PLEKHG5: variants seen among roughly 807,000 people sequenced by gnomAD.
The protein encoded by PLEKHG5 is pleckstrin homology domain-containing family G member 5.
PLEKHG5 carries 52 observed loss-of-function variants against 103.8 expected under a neutral mutation model. The ratio of observed to expected loss-of-function variants is 0.50; its 90% confidence interval spans 0.40 to 0.63. The LOEUF (loss-of-function observed/expected upper bound fraction) is 0.63. Ranked by LOEUF, PLEKHG5 falls within the 30% of genes least tolerant of loss-of-function variation. The probability of loss-of-function intolerance (pLI) is 0.00; values close to 1 mark genes in which losing one functional copy is unlikely to be tolerated. For synonymous variants in PLEKHG5, 592 were observed against 575.5 expected, an observed-to-expected ratio of 1.03 and a Z score of -0.41; for missense variants, 1,205 against 1,347.6, an observed-to-expected ratio of 0.89 and a Z score of 1.66.
In PLEKHG5 at chr1:6,471,815, G is replaced by T; in HGVS notation, c.1081-7C>A. 6.2e-7 allele frequency: 1 copy of T among 1,604,942 alleles called. No individual in the cohort carries two copies. The highest frequency in any genetic ancestry group is 1.7e-5 in the Admixed American group (1 of 59,108). On this transcript the variant is annotated splice_polypyrimidine_tract_variant and splice_region_variant and intron_variant, in intron 10 of 20. Transcript: ENST00000377728. ...GGAGGCAGCACAGGAACAGCTGTGG[G>T]ATCAGGGGATGGTGTGACTGGGGTC...
intron 1 of PLEKHG5, among the ~76,000 whole-genome samples, chr1:6,509,217 C>T (rs897552990): frequency 4.3e-4 from 65 of 152,332 alleles, no homozygotes; most frequent in Non-Finnish European, 7.4e-4. Flanking sequence ...GCCCTGGGCC[C>T]GGAGACCCTA....
upstream of PLEKHG5, chr1:6,497,363 G>A: frequency 9.2e-7 from 1 of 1,090,486 alleles, no homozygotes; most frequent in Non-Finnish European, 1.1e-6. The surrounding 1 kb of genome is among the most constrained non-coding windows in gnomAD (Gnocchi z 6.1). Flanking sequence ...GGCGGCGGGC[G>A]GGGGCGCCGG....
upstream of PLEKHG5, among the ~76,000 whole-genome samples, chr1:6,500,786 T>C (rs75707854): frequency 0.018 from 2,664 of 151,854 alleles, 76 homozygotes; most frequent in African/African-American, 0.061. Flanking sequence ...AGACACTGCC[T>C]CCCCACGTGC....
intron 1 of PLEKHG5, among the ~76,000 whole-genome samples, chr1:6,516,383 C>T (rs1387357239): frequency 2.0e-5 from 3 of 152,178 alleles, no homozygotes; most frequent in Non-Finnish European, 2.9e-5. Flanking sequence ...GGAGGCCAGG[C>T]GCAGTGACTC....
In PLEKHG5 at chr1:6,490,384, G is replaced by C. The variant is rs1291747831; in HGVS notation, c.-88+1253C>G. The C allele has an allele frequency of 2.2e-6, 2 of 909,200 alleles. No homozygotes were observed. Among genetic ancestry groups the C allele is most frequent in the Non-Finnish European group, 1.3e-6 (1 of 761,012 alleles). 56.3% of individuals were successfully genotyped at this position (909,200 alleles called of 1,614,324 possible). On this transcript the variant is annotated intron_variant, in intron 1 of 20. Transcript: ENST00000377728. This position sits in a 1 kb window ranked among gnomAD's most constrained non-coding sequence, Gnocchi z 8.0. ...CGGGTTCTGTCCATCGGTTTAGGGG[G>C]GTCCTGGCGCCTAGTCCCACCCCCC...
At chr1:6,516,284 T>C (rs1013465764) in intron 1 of PLEKHG5, among the ~76,000 whole-genome samples, 3 of 152,078 alleles carry the variant, frequency 2.0e-5, no homozygotes, top group African/African-American at 4.8e-5. Flanking sequence ...AGGTGAAATA[T>C]TGGAAACAAT....
At position 6,470,596 on chromosome 1, in the gene PLEKHG5, C is replaced by T; in HGVS notation, c.1590G>A (p.Arg530=). 6.2e-7 allele frequency: 1 copy of T among 1,602,492 alleles called. No homozygotes were observed. The highest frequency in any genetic ancestry group is 1.1e-5 in the South Asian group (1 of 90,732). ...CCAGCCGCTGCCGCTCCTGCCGCTG[C>T]CGCATGCACGCGTTCACGTGGTGGA... ...RFIHHVNACM[R]QRQERQRLAA... is the part of the protein sequence containing the mutation. The change falls in exon 15 of 21, where the codon CGG becomes CGA. Residue 530 remains arginine, a synonymous_variant. Transcript: ENST00000377728.
intron 1 of PLEKHG5, among the ~76,000 whole-genome samples, chr1:6,478,462 C>G (rs572601123): frequency 6.6e-6 from 1 of 152,164 alleles, no homozygotes. Flanking sequence ...AGCTGCCACG[C>G]CCAGCCTTAT....
chr1:6,489,049 C>T (rs1557761335), intron 1 of PLEKHG5, among the ~76,000 whole-genome samples: 1 of 152,166 alleles, frequency 6.6e-6, no homozygotes, highest in Non-Finnish European at 1.5e-5. Context: ...GGAAAGGACG[C>T]AGGTCTGGGG....
chr1:6,497,351 C>T (rs1203197074), upstream of PLEKHG5: 10 of 1,047,622 alleles, frequency 9.5e-6, no homozygotes, highest in African/African-American at 3.3e-5. The surrounding 1 kb of genome is among the most constrained non-coding windows in gnomAD (Gnocchi z 6.1). Context: ...GCGCGGGGGG[C>T]GGGCGGCGGG....
intron 12 of PLEKHG5, 73 bp from the exon 13 acceptor site, chr1:6,471,173 C>G (rs901399461): frequency 8.1e-7 from 1 of 1,242,022 alleles, no homozygotes; most frequent in Non-Finnish European, 1.2e-6. Flanking sequence ...CCAGGCGCTG[C>G]GCAAGCGCTT....
intron 1 of PLEKHG5, among the ~76,000 whole-genome samples, chr1:6,488,363 G>A (rs184269000): frequency 7.9e-5 from 12 of 152,372 alleles, no homozygotes; most frequent in East Asian, 1.9e-4. Flanking sequence ...CAGGGCAGGC[G>A]TGGGGCCTGA....
At chr1:6,497,800 C>T (rs931082891), upstream of PLEKHG5, among the ~76,000 whole-genome samples, 2 of 152,238 alleles carry the variant, frequency 1.3e-5, no homozygotes, top group African/African-American at 2.4e-5. This position sits in a 1 kb window ranked among gnomAD's most constrained non-coding sequence, Gnocchi z 6.1. Context: ...CCGGGAGAGA[C>T]TCGCCTGCCA....
At chr1:6,506,861 G>C (rs1432576879) in intron 1 of PLEKHG5, among the ~76,000 whole-genome samples, 2 of 152,184 alleles carry the variant, frequency 1.3e-5, no homozygotes, top group African/African-American at 4.8e-5. Context: ...ACTTCACCAG[G>C]CTGCCTCCTC....
chr1:6,475,433 G>A (rs368285867), intron 4 of PLEKHG5, 29 bp downstream of exon 4: 9 of 1,601,170 alleles, frequency 5.6e-6, no homozygotes, highest in South Asian at 1.1e-5. Flanking sequence ...TAGGGAACCC[G>A]CATCTGCCGG....
chr1:6,505,720 G>A lies in PLEKHG5; in HGVS notation c.-164-9151C>T, dbSNP rs957490600. ...AACACCATGGCCTGATCTTGCGGGC[G>A]GGGTGAGAGCAGAGGCAGAGGCCAG... On this transcript the variant is annotated intron_variant, in intron 1 of 21. Coordinates refer to the PLEKHG5 transcript ENST00000377740. This position sits in a 1 kb window ranked among gnomAD's most constrained non-coding sequence, Gnocchi z 4.2. Among the ~76,000 whole-genome samples, 5 of 152,250 alleles carry A rather than the reference G, an allele frequency of 3.3e-5. No homozygotes were observed. The highest frequency in any genetic ancestry group is 6.5e-5 in the Admixed American group (1 of 15,290).
At chr1:6,489,105 T>C (rs1180420728) in intron 1 of PLEKHG5, among the ~76,000 whole-genome samples, 1 of 151,840 alleles carries the variant, frequency 6.6e-6, no homozygotes, top group Non-Finnish European at 1.5e-5. Flanking sequence ...GAACCAGGAG[T>C]CCGAGCTCTC....
upstream of PLEKHG5, chr1:6,496,524 G>A (rs775148147): frequency 6.2e-7 from 1 of 1,603,882 alleles, no homozygotes; most frequent in Non-Finnish European, 8.5e-7. Context: ...CATGCAGGCG[G>A]GGTTCTGACA....
Position 6,471,039 on chromosome 1 carries a change from T to A in PLEKHG5, c.1343A>T (p.Tyr448Phe). 6.2e-7 allele frequency: 1 copy of A among 1,606,338 alleles called. No individual in the cohort carries two copies. Among genetic ancestry groups the A allele is most frequent in the Non-Finnish European group, 8.5e-7 (1 of 1,176,862 alleles). Residue 448 changes from tyrosine to phenylalanine, a missense_variant, in exon 13 of 21, where the codon TAC becomes TTC. By Grantham distance (22) the Tyr-to-Phe change is conservative (BLOSUM62 3). Transcript: ENST00000377728. The part of the protein sequence containing the change: ...YCMEEEGCME[Y>F]MRGLLRDNDL... ...GTTGTCGCGCAGCAGGCCGCGCATG[T>A]ACTCCATGCAGCCCTCCTCCTCCAT...
Sources: allele counts gnomAD v4.1 joint callset (sites outside exome capture counted in the v4.1 genomes callset), GRCh38; gene constraint gnomAD v4.1.1; non-coding constraint Gnocchi (gnomAD v3.1); transcripts MANE v1.5; gene names NCBI Gene and HGNC (gene_info 2026-07-23, HGNC 2026-07-21).